The following SOCS7 variants were observed in gnomAD, a reference collection of about 807,000 sequenced individuals.
SOCS7 encodes NAP-4.
A neutral mutation model predicts 58.9 loss-of-function variants in SOCS7; 18 were observed. The observed-to-expected ratio is 0.31, with a 90% confidence interval of 0.21 to 0.45. SOCS7 has a LOEUF of 0.45. SOCS7 is among the 20% of genes least tolerant of loss of function. The probability of loss-of-function intolerance (pLI) is 1.00; values close to 1 mark genes in which losing one functional copy is unlikely to be tolerated. For synonymous variants in SOCS7, 388 were observed against 364.3 expected (o/e 1.06, Z -0.74); for missense variants, 667 against 837.3 (o/e 0.80, Z 2.51).
At chr17:38,396,107 T>C (rs2038242102) in intron 9 of SOCS7, 109 bp downstream of exon 9, 4 of 874,640 alleles carry the variant, frequency 4.6e-6, no homozygotes, top group Non-Finnish European at 6.6e-6. Flanking sequence ...ATAGCCCCGA[T>C]CCAGGCATTT....
At position 38,404,211 on chromosome 17, in the gene SOCS7, T is replaced by A. The variant is rs2038360284; in HGVS notation, c.*4729T>A. On this transcript the variant is annotated 3_prime_UTR_variant, in exon 10 of 10. Coordinates refer to ENST00000612932, the MANE Select transcript of SOCS7 (RefSeq NM_014598.4). ...AGACAGGCGCTGGGGACTCGGGTAC[T>A]GCAGTTAGGAAAGTAGCGTTATGAG... 1.3e-5 allele frequency: 2 copies of A among 152,208 alleles called. No individual in the cohort carries two copies. Among genetic ancestry groups the A allele is most frequent in the African/African-American group, 2.4e-5 (1 of 41,442 alleles). 9.4% of individuals were successfully genotyped at this position (152,208 alleles called of 1,614,324 possible).
At chr17:38,389,865 G>GTGTATATATATATATATT in intron 7 of SOCS7, among the ~76,000 whole-genome samples, 1 of 26,898 alleles carries the variant, frequency 3.7e-5, no homozygotes, top group African/African-American at 1.1e-4. Flanking sequence ...GTGTATGTGT[G>GTGTATATATATATATATT]TACATATATA....
intron 9 of SOCS7, among the ~76,000 whole-genome samples, chr17:38,398,000 C>T (rs537853908): frequency 1.3e-5 from 2 of 152,204 alleles, no homozygotes; most frequent in Admixed American, 1.3e-4. Flanking sequence ...GTATAAAGGC[C>T]CTGCCTCAGC....
At chr17:38,371,277 C>CT (rs10718633) in intron 6 of SOCS7, among the ~76,000 whole-genome samples, 31,976 of 138,794 alleles carry the variant, frequency 0.23, 5,015 homozygotes, top group East Asian at 0.43. Context: ...CCATGCCCAA[C>CT]TTTTTTTTTT....
intron 7 of SOCS7, among the ~76,000 whole-genome samples, chr17:38,394,570 C>T (rs2038220693): frequency 6.6e-6 from 1 of 152,206 alleles, no homozygotes; most frequent in South Asian, 2.1e-4. Flanking sequence ...AACGGCTTTT[C>T]TGGGTCCTCA....
intron 7 of SOCS7, among the ~76,000 whole-genome samples, chr17:38,389,002 C>T (rs2038116678): frequency 6.6e-6 from 1 of 152,140 alleles, no homozygotes; most frequent in Admixed American, 6.5e-5. Context: ...TATTCCTAGG[C>T]GTGAAATTGC....
intron 7 of SOCS7, among the ~76,000 whole-genome samples, chr17:38,389,886 CATATATATAT>C (rs1237921307): frequency 1.2e-5 from 1 of 83,352 alleles, no homozygotes; most frequent in Non-Finnish European, 2.1e-5. Flanking sequence ...TATATATGTA[CATATATATAT>C]ATACACATAT....
intron 6 of SOCS7, among the ~76,000 whole-genome samples, chr17:38,373,604 G>A (rs1357723897): frequency 2.0e-5 from 3 of 152,182 alleles, no homozygotes; most frequent in Non-Finnish European, 4.4e-5. Flanking sequence ...TGCACAATGA[G>A]AACCTTTTTT....
intron 6 of SOCS7, among the ~76,000 whole-genome samples, chr17:38,376,158 C>T (rs1479068851): frequency 1.3e-5 from 2 of 152,164 alleles, no homozygotes; most frequent in African/African-American, 4.8e-5. Context: ...GTTAGGTAAT[C>T]ATTTACCCAA....
At position 38,351,961 on chromosome 17, in the gene SOCS7, C is replaced by T. The variant is rs895163087; in HGVS notation, c.-92C>T. ...GCGGCGGCCGTTAGCGCTGTCGCTCCGGGGGCCGCGGCGGGCGGGGCTCCG... is the reference window on the plus strand; with the variant it reads ...GCGGCGGCCGTTAGCGCTGTCGCTCTGGGGGCCGCGGCGGGCGGGGCTCCG... On this transcript the variant is annotated 5_prime_UTR_variant, in exon 1 of 10. Coordinates refer to ENST00000612932, the MANE Select transcript of SOCS7 (RefSeq NM_014598.4). Among the ~76,000 whole-genome samples, 13 of 151,288 alleles carry T rather than the reference C, an allele frequency of 8.6e-5. No homozygotes were observed. The highest frequency in any genetic ancestry group is 7.9e-4 in the Admixed American group (12 of 15,204).
chr17:38,381,522 C>T (rs1344077573), intron 7 of SOCS7, among the ~76,000 whole-genome samples: 1 of 152,110 alleles, frequency 6.6e-6, no homozygotes, highest in East Asian at 1.9e-4. Flanking sequence ...CAAGTGTTAC[C>T]CTTTGAGGGG....
chr17:38,362,221 A>T (rs1173412871), intron 2 of SOCS7, among the ~76,000 whole-genome samples: 1 of 152,202 alleles, frequency 6.6e-6, no homozygotes, highest in East Asian at 1.9e-4. Context: ...GGCAAAGGGG[A>T]TTACATGAGC....
intron 4 of SOCS7, chr17:38,366,055 C>A: frequency 2.3e-6 from 3 of 1,312,272 alleles, no homozygotes; most frequent in Non-Finnish European, 2.9e-6. Context: ...GCTCCCCTCC[C>A]CCTTTCTTGG....
chr17:38,387,129 G>GTGTGTGTGTATATATATATATATATATA (rs1555570683), intron 7 of SOCS7, among the ~76,000 whole-genome samples: 1 of 64,824 alleles, frequency 1.5e-5, no homozygotes, highest in Non-Finnish European at 2.6e-5. Flanking sequence ...ATATATATAT[G>GTGTGTGTGTATATATATATATATATATA]TATGTATATA....
rs2038137266 is a variant in SOCS7, at chr17:38,389,871, A to ATATATATGTGTATGTGTG, written c.1682-5431_1682-5430insGTGTATGTGTGTATATAT. Among the ~76,000 whole-genome samples, 2 of 114,996 alleles carry ATATATATGTGTATGTGTG rather than the reference A, an allele frequency of 1.7e-5. 1 individual carries two copies. The allele number at this position is 114,996 out of a possible 152,430, so 75.4% of individuals were successfully genotyped here. On this transcript the variant is annotated intron_variant, in intron 7 of 9. Coordinates refer to ENST00000612932, the MANE Select transcript of SOCS7 (RefSeq NM_014598.4). Reference sequence around the variant, plus strand: ...TTGTTTGGTGTGTATGTGTGTACATATATATATATATGTACATATATATAT... The same window carrying ATATATATGTGTATGTGTG: ...TTGTTTGGTGTGTATGTGTGTACATATATATATGTGTATGTGTGTATATATATATGTACATATATATAT...
At position 38,400,685 on chromosome 17, in the gene SOCS7, C is replaced by G. The variant is rs2038307112; in HGVS notation, c.*1203C>G. 2 of 152,162 alleles carry G rather than the reference C, an allele frequency of 1.3e-5. No homozygotes were observed. Among genetic ancestry groups the G allele is most frequent in the South Asian group, 4.1e-4 (2 of 4,828 alleles). 9.4% of individuals were successfully genotyped at this position (152,162 alleles called of 1,614,324 possible). ...GCTTCTGTATTTTCTTGTGTTCATT[C>G]TAGCAACCCAGACATTTCCGGATCA... On this transcript the variant is annotated 3_prime_UTR_variant, in exon 10 of 10. Transcript: ENST00000612932.
At chr17:38,380,160 C>T (rs1430229850) in intron 7 of SOCS7, among the ~76,000 whole-genome samples, 3 of 152,170 alleles carry the variant, frequency 2.0e-5, no homozygotes. Context: ...CAAATGTACC[C>T]TGTCTGCAGA....
At chr17:38,366,125 A>G (rs1402087998) in intron 4 of SOCS7, 162 bp from the exon 5 acceptor site, 2 of 1,265,016 alleles carry the variant, frequency 1.6e-6, no homozygotes, top group Non-Finnish European at 2.1e-6. Flanking sequence ...TTTTTGTTCC[A>G]GCCCATCCAG....
rs1429777685 is a variant in SOCS7, at chr17:38,351,900, C to T, written c.-153C>T. ...CGCGGCCTGGGCTCGCGCTGGGCTC[C>T]GCGCGCCCCCCGCCCCCCTCTATGA... On this transcript the variant is annotated 5_prime_UTR_variant, in exon 1 of 10. Transcript: ENST00000612932. Among the ~76,000 whole-genome samples, 4 of 149,192 alleles carry T rather than the reference C, an allele frequency of 2.7e-5. No homozygotes were observed. Among genetic ancestry groups the T allele is most frequent in the Admixed American group, 2.0e-4 (3 of 15,120 alleles).
Sources: allele counts gnomAD v4.1 joint callset (sites outside exome capture counted in the v4.1 genomes callset), GRCh38; gene constraint gnomAD v4.1.1; transcripts MANE v1.5; gene names NCBI Gene and HGNC (gene_info 2026-07-23, HGNC 2026-07-21).